Variants in PRKCA observed in about 807,000 individuals in gnomAD.
The protein encoded by PRKCA is protein kinase C alpha.
PRKCA carries 27 observed loss-of-function variants against 87.0 expected under a neutral mutation model. The observed-to-expected ratio is 0.31, with a 90% CI of 0.23 to 0.43. The LOEUF is 0.43. Among genes scored for constraint, PRKCA ranks in the 20% least tolerant of loss-of-function variants. The probability of loss-of-function intolerance (pLI) is 1.00; values close to 1 mark genes in which losing one functional copy is unlikely to be tolerated. For missense variants in PRKCA, 518 were observed against 852.3 expected (o/e 0.61, Z 4.88); for synonymous variants, 329 against 311.1 (o/e 1.06, Z -0.61).
At chr17:66,745,596 G>T (rs951090540) in intron 13 of PRKCA, among the ~76,000 whole-genome samples, 2 of 152,044 alleles carry the variant, frequency 1.3e-5, no homozygotes, top group Non-Finnish European at 2.9e-5. Context: ...CAGGAGAATC[G>T]CTTGAACCTG....
intron 2 of PRKCA, among the ~76,000 whole-genome samples, chr17:66,439,988 G>C (rs1245096970): frequency 6.6e-6 from 1 of 152,192 alleles, no homozygotes; most frequent in Non-Finnish European, 1.5e-5. Flanking sequence ...TTCCCAGAAA[G>C]AAGTTGGGTG....
Position 66,450,566 on chromosome 17 carries a change from G to A in PRKCA, c.206-45635G>A, listed in dbSNP as rs535970640. ...AGAAGTCCCAGGAAAAGGGAGGCAG[G>A]GGAGGAAACAGAAAGCTGCGGTTGG... On this transcript the variant is annotated intron_variant, in intron 2 of 16. Coordinates refer to ENST00000413366, the MANE Select transcript of PRKCA (RefSeq NM_002737.3). Among the ~76,000 whole-genome samples, 4 of 150,570 alleles carry A rather than the reference G, an allele frequency of 2.7e-5. No individual in the cohort carries two copies. The South Asian group carries it at 8.5e-4, about 32-fold the overall frequency.
At chr17:66,645,622 G>A in intron 5 of PRKCA, 111 bp downstream of exon 5, 2 of 1,473,390 alleles carry the variant, frequency 1.4e-6, no homozygotes, top group Non-Finnish European at 1.8e-6. Context: ...CCTCTGGAGA[G>A]GCAGTCGCCC....
chr17:66,466,134 A>G (rs1915076773), intron 2 of PRKCA, among the ~76,000 whole-genome samples: 1 of 152,248 alleles, frequency 6.6e-6, no homozygotes, highest in African/African-American at 2.4e-5. Flanking sequence ...CCCAATACTG[A>G]GAATTTTAAG....
At chr17:66,473,900 C>T (rs1408195012) in intron 2 of PRKCA, among the ~76,000 whole-genome samples, 3 of 152,096 alleles carry the variant, frequency 2.0e-5, no homozygotes, top group African/African-American at 4.8e-5. Context: ...CGCCATTGCA[C>T]TCCAGTCTGG....
In PRKCA at chr17:66,392,314, T is replaced by C. The variant is rs148646701; in HGVS notation, c.205+86187T>C. Among the ~76,000 whole-genome samples, 788 of 151,962 alleles carry C rather than the reference T, an allele frequency of 5.2e-3. 3 individuals are homozygous for C. The highest frequency in any genetic ancestry group is 8.1e-3 in the Non-Finnish European group (548 of 67,972). On this transcript the variant is annotated intron_variant, in intron 2 of 16. Transcript: ENST00000413366. ...GGGAAAAGTTACTTTCCAAAAAAAA[T>C]GGAAACAATTAGAAATGGTTTCTTT...
intron 5 of PRKCA, among the ~76,000 whole-genome samples, chr17:66,661,414 T>C (rs1397980305): frequency 2.0e-5 from 3 of 152,196 alleles, no homozygotes; most frequent in African/African-American, 7.2e-5. Context: ...GCAGGAAGTG[T>C]GTTCAGGAGG....
At chr17:66,649,491 G>C (rs1053837244) in intron 5 of PRKCA, among the ~76,000 whole-genome samples, 1 of 152,152 alleles carries the variant, frequency 6.6e-6, no homozygotes, top group African/African-American at 2.4e-5. Flanking sequence ...CCTCCTTCTT[G>C]AAATGAGCAA....
At chr17:66,466,936 A>G (rs1365583653) in intron 2 of PRKCA, among the ~76,000 whole-genome samples, 1 of 152,188 alleles carries the variant, frequency 6.6e-6, no homozygotes, top group African/African-American at 2.4e-5. Context: ...GGCATTTGAA[A>G]CTATGGAATG....
chr17:66,751,705 T>C (rs1475508450), intron 13 of PRKCA, among the ~76,000 whole-genome samples: 2 of 152,124 alleles, frequency 1.3e-5, no homozygotes, highest in African/African-American at 4.8e-5. Flanking sequence ...TGCCCAGCTT[T>C]TCCCTAGCAC....
intron 13 of PRKCA, among the ~76,000 whole-genome samples, chr17:66,750,905 G>C (rs529954073): frequency 1.3e-5 from 2 of 152,318 alleles, no homozygotes; most frequent in East Asian, 3.9e-4. Flanking sequence ...CTGGGAGGAA[G>C]GGCCTGCAGA....
At chr17:66,368,163 G>T (rs2143515908) in intron 2 of PRKCA, among the ~76,000 whole-genome samples, 1 of 152,004 alleles carries the variant, frequency 6.6e-6, no homozygotes, top group African/African-American at 2.4e-5. Flanking sequence ...TTCTTACCTT[G>T]TACAGAATTC....
chr17:66,381,303 C>G (rs1909765976), intron 2 of PRKCA, among the ~76,000 whole-genome samples: 1 of 152,102 alleles, frequency 6.6e-6, no homozygotes, highest in African/African-American at 2.4e-5. Flanking sequence ...AAGGGAAACT[C>G]ATGGAGCATT....
At chr17:66,465,141 C>T (rs1915028878) in intron 2 of PRKCA, among the ~76,000 whole-genome samples, 1 of 152,108 alleles carries the variant, frequency 6.6e-6, no homozygotes, top group African/African-American at 2.4e-5. Flanking sequence ...ACTAGGCCAA[C>T]CCCCATAGCC....
chr17:66,522,821 A>G (rs1967210124), intron 3 of PRKCA, among the ~76,000 whole-genome samples: 1 of 150,496 alleles, frequency 6.6e-6, no homozygotes, highest in African/African-American at 2.5e-5. Context: ...AAAAAAAAAA[A>G]AAGAAGAAGC....
chr17:66,791,834 C>T (rs534210294), intron 16 of PRKCA, among the ~76,000 whole-genome samples: 1 of 152,310 alleles, frequency 6.6e-6, no homozygotes, highest in Admixed American at 6.5e-5. Flanking sequence ...GAACTAGCGG[C>T]GTAGAAAAGT....
intron 5 of PRKCA, among the ~76,000 whole-genome samples, chr17:66,649,697 A>C (rs993314361): frequency 3.9e-5 from 6 of 152,232 alleles, no homozygotes; most frequent in Non-Finnish European, 5.9e-5. Context: ...ACCCACAATC[A>C]GCACCCCACA....
chr17:66,717,627 A>G (rs1423905304), intron 8 of PRKCA, among the ~76,000 whole-genome samples: 1 of 152,200 alleles, frequency 6.6e-6, no homozygotes, highest in East Asian at 1.9e-4. Flanking sequence ...AGCACAGGGA[A>G]ACGTACGGGA....
intron 2 of PRKCA, among the ~76,000 whole-genome samples, chr17:66,459,717 CCG>C (rs1914757738): frequency 1.3e-5 from 2 of 152,116 alleles, no homozygotes; most frequent in African/African-American, 4.8e-5. Context: ...GTTTATAGAC[CCG>C]ACTCCATCGG....
Sources: gnomAD v4.1 joint callset for allele counts (sites outside exome capture counted in the v4.1 genomes callset) on GRCh38, gnomAD v4.1.1 for gene constraint, MANE v1.5 for transcripts, NCBI Gene and HGNC (gene_info 2026-07-23, HGNC 2026-07-21) for gene names.